The following AGAP1 variants were observed in gnomAD, a reference collection of about 807,000 sequenced individuals.
The protein encoded by AGAP1 is ArfGAP with GTPase domain, ankyrin repeat and PH domain 1.
AGAP1 carries 29 observed loss-of-function variants against 105.3 expected under a neutral mutation model. The observed-to-expected ratio is 0.28, with a 90% confidence interval of 0.21 to 0.38. AGAP1 has a LOEUF of 0.38. Ranked by LOEUF, AGAP1 falls within the 10% of genes least tolerant of loss-of-function variation. AGAP1 has a pLI of 1.00. For synonymous variants in AGAP1, 509 were observed against 485.9 expected (o/e 1.05, Z -0.63); for missense variants, 998 against 1,165.1 (o/e 0.86, Z 2.09).
chr2:235,703,335 C>T (rs1559371208), intron 1 of AGAP1, among the ~76,000 whole-genome samples: 1 of 152,110 alleles, frequency 6.6e-6, no homozygotes, highest in African/African-American at 2.4e-5. Flanking sequence ...GTTCAGGTAG[C>T]ATGTGTGCCT....
At position 236,082,923 on chromosome 2, in the gene AGAP1, A is replaced by T. The variant is rs1357035777; in HGVS notation, c.2114+33642A>T. Among the ~76,000 whole-genome samples the T allele has an allele frequency of 6.6e-6, 1 of 152,048 alleles. No homozygotes were observed. The highest frequency in any genetic ancestry group is 1.5e-5 in the Non-Finnish European group (1 of 68,014). The stretch of plus-strand genomic sequence containing the variant: ...GTAATCCCAGCACTCTGGGAGGCCG[A>T]GGTGGCCGGATCACCTGAGGTCAGG... On this transcript the variant is annotated intron_variant, in intron 16 of 17. Transcript: ENST00000304032. The surrounding 1 kb of genome is among the most constrained non-coding windows in gnomAD (Gnocchi z 4.2).
At chr2:235,876,054 T>A (rs1239266691) in intron 9 of AGAP1, among the ~76,000 whole-genome samples, 1 of 152,206 alleles carries the variant, frequency 6.6e-6, no homozygotes, top group Non-Finnish European at 1.5e-5. Context: ...TTAGATGACT[T>A]GTTTCCAGGG....
rs181012786 is a variant in AGAP1, at chr2:235,553,326, G to T, written c.163+58477G>T. ...ATCTGGGAGGCAGTGGGGGTCAGAG[G>T]AAGTTGGGTTTTTTTTTGTCTTGGT... is the stretch of plus-strand genomic sequence containing the variant. On this transcript the variant is annotated intron_variant, in intron 1 of 17. Coordinates refer to ENST00000304032, the MANE Select transcript of AGAP1 (RefSeq NM_001037131.3). The surrounding 1 kb of genome is among the most constrained non-coding windows in gnomAD (Gnocchi z 4.5). 3.3e-5 allele frequency among the ~76,000 whole-genome samples: 5 copies of T among 152,146 alleles called. No individual in the cohort carries two copies. Among genetic ancestry groups the T allele is most frequent in the Non-Finnish European group, 5.9e-5 (4 of 67,996 alleles).
chr2:235,602,959 C>T (rs761784527), intron 1 of AGAP1, among the ~76,000 whole-genome samples: 6 of 152,178 alleles, frequency 3.9e-5, no homozygotes, highest in Non-Finnish European at 7.3e-5. Flanking sequence ...GCATCGGCCT[C>T]CCAAAGTGCT....
rs1310976000 is a variant in AGAP1, at chr2:235,705,497, A to G, written c.164-3682A>G. Among the ~76,000 whole-genome samples the G allele has an allele frequency of 6.6e-6, 1 of 152,094 alleles. No individual in the cohort carries two copies. The highest frequency in any genetic ancestry group is 1.5e-5 in the Non-Finnish European group (1 of 68,010). Reference sequence around the variant, plus strand: ...GCCCCACCCTTCCTCGACCCCACCTACTGAGTGATGAACAATTCCACGCCA... The same window carrying G: ...GCCCCACCCTTCCTCGACCCCACCTGCTGAGTGATGAACAATTCCACGCCA... On this transcript the variant is annotated intron_variant, in intron 1 of 17. Transcript: ENST00000304032. The surrounding 1 kb of genome is among the most constrained non-coding windows in gnomAD (Gnocchi z 4.9).
At position 235,741,761 on chromosome 2, in the gene AGAP1, A is replaced by T. The variant is rs1026345790; in HGVS notation, c.396+713A>T. Among the ~76,000 whole-genome samples the T allele has an allele frequency of 5.4e-4, 77 of 141,852 alleles. No individual in the cohort carries two copies. In the Middle Eastern group the frequency reaches 0.015, roughly 27 times the overall value. 93.1% of individuals were successfully genotyped at this position (141,852 alleles called of 152,430 possible). ...TATTGTTATTTTTTATTATTTATTTATTTTTTTTTTTTGAGACAGTCTCGC... is the reference window on the plus strand; with the variant it reads ...TATTGTTATTTTTTATTATTTATTTTTTTTTTTTTTTTGAGACAGTCTCGC... On this transcript the variant is annotated intron_variant, in intron 4 of 17. Transcript: ENST00000304032. The surrounding 1 kb of genome is among the most constrained non-coding windows in gnomAD (Gnocchi z 4.9).
Position 235,969,207 on chromosome 2 carries a change from A to G in AGAP1, c.1645+584A>G, listed in dbSNP as rs968469222. Among the ~76,000 whole-genome samples, 9 of 151,632 alleles carry G rather than the reference A, an allele frequency of 5.9e-5. 1 individual carries two copies. The East Asian group carries it at 1.7e-3, about 29-fold the overall frequency. ...GAGTGCTTCCTTAGTTTTTATTGCCACTGATGGCTGGATGTCAGCTTCCTG... is the reference window on the plus strand; with the variant it reads ...GAGTGCTTCCTTAGTTTTTATTGCCGCTGATGGCTGGATGTCAGCTTCCTG... On this transcript the variant is annotated intron_variant, in intron 13 of 17. Transcript: ENST00000304032.
Position 235,549,884 on chromosome 2 carries a change from C to T in AGAP1, c.163+55035C>T, listed in dbSNP as rs1298014734. ...GGAGTGAGTGGGAGGACTCGCCCTG[C>T]GCAGGTGGAGGGTGATGAGAGGCTG... On this transcript the variant is annotated intron_variant, in intron 1 of 17. Transcript: ENST00000304032. The surrounding 1 kb of genome is among the most constrained non-coding windows in gnomAD (Gnocchi z 4.2). Among the ~76,000 whole-genome samples the T allele has an allele frequency of 2.6e-5, 4 of 152,104 alleles. No individual in the cohort carries two copies. Among genetic ancestry groups the T allele is most frequent in the African/African-American group, 7.2e-5 (3 of 41,422 alleles).
chr2:235,966,075 G>C (rs1174282961), intron 12 of AGAP1, among the ~76,000 whole-genome samples: 6 of 145,714 alleles, frequency 4.1e-5, no homozygotes, highest in African/African-American at 1.5e-4. Context: ...CGTTCCTCTG[G>C]GGATGGAGGA....
rs1249455159 is a variant in AGAP1 at position 235,690,359 on chromosome 2, G to C, written c.164-18820G>C. ...TGGGGAGGCCGTGCCCTGGGGGCAGGTGCAGGAGGGAGCCTGGCTCTTCAG... is the reference window on the plus strand; with the variant it reads ...TGGGGAGGCCGTGCCCTGGGGGCAGCTGCAGGAGGGAGCCTGGCTCTTCAG... On this transcript the variant is annotated intron_variant, in intron 1 of 17. Coordinates refer to ENST00000304032, the MANE Select transcript of AGAP1 (RefSeq NM_001037131.3). The surrounding 1 kb of genome is among the most constrained non-coding windows in gnomAD (Gnocchi z 4.1). Among the ~76,000 whole-genome samples the C allele has an allele frequency of 1.3e-5, 2 of 152,180 alleles. No homozygotes were observed. The highest frequency in any genetic ancestry group is 4.8e-5 in the African/African-American group (2 of 41,440).
At chr2:235,511,866 G>A (rs1192654246) in intron 1 of AGAP1, among the ~76,000 whole-genome samples, 4 of 150,758 alleles carry the variant, frequency 2.7e-5, no homozygotes, top group East Asian at 2.0e-4. Context: ...GTGTGAATGT[G>A]TGTGTGTATG....
In AGAP1 at chr2:235,775,310, T is replaced by C. The variant is rs148438081; in HGVS notation, c.674-22449T>C. 5.4e-3 allele frequency among the ~76,000 whole-genome samples: 826 copies of C among 152,322 alleles called. 1 individual carries two copies. The highest frequency in any genetic ancestry group is 7.9e-3 in the Non-Finnish European group (540 of 68,036). On this transcript the variant is annotated intron_variant, in intron 6 of 17. Coordinates refer to ENST00000304032, the MANE Select transcript of AGAP1 (RefSeq NM_001037131.3). ...GGTTTGCATCGGTATAGCCTGTGTT[T>C]GGTGCCCTGATGACTGAAAGAATTC...
chr2:235,774,562 C>A, intron 6 of AGAP1: 1 of 304,210 alleles, frequency 3.3e-6, no homozygotes, highest in Non-Finnish European at 6.6e-6. Flanking sequence ...TGAAAACTGT[C>A]GCATTTAAAA....
intron 1 of AGAP1, among the ~76,000 whole-genome samples, chr2:235,583,277 C>T (rs1223534117): frequency 6.6e-6 from 1 of 151,926 alleles, no homozygotes; most frequent in Non-Finnish European, 1.5e-5. Context: ...CTTACTGCGG[C>T]CTTGAACCTT....
At chr2:235,558,700 G>C (rs938412591) in intron 1 of AGAP1, among the ~76,000 whole-genome samples, 2 of 152,092 alleles carry the variant, frequency 1.3e-5, no homozygotes, top group East Asian at 3.9e-4. Flanking sequence ...ACTCTGCCTC[G>C]AAATGTGCGA....
At chr2:236,065,595 G>A (rs539482071) in intron 16 of AGAP1, among the ~76,000 whole-genome samples, 2 of 152,340 alleles carry the variant, frequency 1.3e-5, no homozygotes, top group Non-Finnish European at 2.9e-5. Flanking sequence ...GGGCTGCAGA[G>A]CTTAGAAAAA....
In AGAP1 at chr2:235,569,767, C is replaced by T. The variant is rs1261715904; in HGVS notation, c.163+74918C>T. On this transcript the variant is annotated intron_variant, in intron 1 of 17. Transcript: ENST00000304032. This position sits in a 1 kb window ranked among gnomAD's most constrained non-coding sequence, Gnocchi z 5.9. ...CTATGGAACCTGTAGGTTCTGAGAC[C>T]GAGCCTTGGGTAGTTTTTATTTCTT... 1.3e-5 allele frequency among the ~76,000 whole-genome samples: 2 copies of T among 152,132 alleles called. No homozygotes were observed. The highest frequency in any genetic ancestry group is 1.3e-4 in the Admixed American group (2 of 15,284).
chr2:235,575,144 C>CA (rs5839599), intron 1 of AGAP1, among the ~76,000 whole-genome samples: 2,718 of 151,106 alleles, frequency 0.018, 77 homozygotes, highest in African/African-American at 0.063. Context: ...AACAACAAAC[C>CA]AAAAAAAAAG....
chr2:235,530,956 G>A (rs1943023539), intron 1 of AGAP1, among the ~76,000 whole-genome samples: 1 of 152,336 alleles, frequency 6.6e-6, no homozygotes, highest in South Asian at 2.1e-4. Flanking sequence ...GGCTGAGCCA[G>A]TCAACACCGG....
Sources: gnomAD v4.1 joint callset for allele counts (sites outside exome capture counted in the v4.1 genomes callset) on GRCh38, gnomAD v4.1.1 for gene constraint, Gnocchi (gnomAD v3.1) non-coding constraint, MANE v1.5 for transcripts, NCBI Gene and HGNC (gene_info 2026-07-23, HGNC 2026-07-21) for gene names.